Variants in ZFHX3 observed in about 807,000 individuals in gnomAD.
ZFHX3 encodes the protein zinc finger homeobox 3.
Under a neutral mutation model 279.1 loss-of-function variants are expected in ZFHX3, and 42 were observed. The ratio of observed to expected loss-of-function variants is 0.15; its 90% CI spans 0.12 to 0.19. ZFHX3 has a LOEUF of 0.19. ZFHX3 is among the 10% of genes least tolerant of loss of function. The probability of loss-of-function intolerance (pLI) is 1.00; values close to 1 mark genes in which losing one functional copy is unlikely to be tolerated. For synonymous variants in ZFHX3, 2,293 were observed against 1,957.8 expected (o/e 1.17, Z -4.52); for missense variants, 4,981 against 4,754.0 (o/e 1.05, Z -1.40).
chr16:73,359,089 G>A (rs746833996), intron 3 of ZFHX3, among the ~76,000 whole-genome samples: 3 of 151,908 alleles, frequency 2.0e-5, no homozygotes, highest in Non-Finnish European at 4.4e-5. Context: ...CTAGGGAGAC[G>A]CCACAGCTCA....
At chr16:73,689,218 G>T (rs2053122115) in intron 1 of ZFHX3, among the ~76,000 whole-genome samples, 1 of 152,136 alleles carries the variant, frequency 6.6e-6, no homozygotes, top group Admixed American at 6.5e-5. Flanking sequence ...CTAGTTACGT[G>T]AAACCTCTAA....
chr16:72,936,921 G>A (rs1485723144), intron 3 of ZFHX3, among the ~76,000 whole-genome samples: 1 of 152,152 alleles, frequency 6.6e-6, no homozygotes, highest in Non-Finnish European at 1.5e-5. Flanking sequence ...TGGGAGGGTG[G>A]TGGTGCAAAT....
chr16:73,642,830 A>G (rs1284859252), intron 2 of ZFHX3, among the ~76,000 whole-genome samples: 4 of 152,182 alleles, frequency 2.6e-5, no homozygotes, highest in Admixed American at 6.5e-5. Flanking sequence ...TACATGTCAA[A>G]ATTCAAACTG....
chr16:73,754,406 C>A (rs960713036), intron 1 of ZFHX3, among the ~76,000 whole-genome samples: 8 of 152,038 alleles, frequency 5.3e-5, no homozygotes, highest in African/African-American at 1.9e-4. Flanking sequence ...GAGGTTTGTA[C>A]GTTTTACATC....
chr16:73,648,635 C>T (rs2052642903), intron 2 of ZFHX3, among the ~76,000 whole-genome samples: 1 of 152,120 alleles, frequency 6.6e-6, no homozygotes, highest in Non-Finnish European at 1.5e-5. Context: ...TGGTCTCAAA[C>T]CCCTGACCTC....
At chr16:73,279,870 T>C (rs915352404) in intron 4 of ZFHX3, among the ~76,000 whole-genome samples, 2 of 152,224 alleles carry the variant, frequency 1.3e-5, no homozygotes, top group African/African-American at 4.8e-5. Context: ...AAGATGCTCT[T>C]GTAGTCTGTG....
intron 4 of ZFHX3, among the ~76,000 whole-genome samples, chr16:73,315,669 G>A (rs1016400783): frequency 6.6e-6 from 1 of 152,152 alleles, no homozygotes; most frequent in Non-Finnish European, 1.5e-5. Context: ...GCCTTCAGCG[G>A]TAAAGAAGAA....
chr16:73,608,605 A>C (rs1469845063), intron 2 of ZFHX3: 1 of 152,238 alleles, frequency 6.6e-6, no homozygotes, highest in Non-Finnish European at 1.5e-5. Context: ...AGCAGAAAAC[A>C]ACAATTTTTT....
At chr16:73,847,735 A>G (rs76342134) in intron 1 of ZFHX3, among the ~76,000 whole-genome samples, 1 of 151,842 alleles carries the variant, frequency 6.6e-6, no homozygotes, top group East Asian at 1.9e-4. Flanking sequence ...GTATTTGATA[A>G]GTAATATTTA....
At chr16:73,875,610 T>C (rs954873961) in intron 1 of ZFHX3, among the ~76,000 whole-genome samples, 1 of 152,210 alleles carries the variant, frequency 6.6e-6, no homozygotes, top group African/African-American at 2.4e-5. Context: ...TGAGATTCGA[T>C]ATCAATTTTC....
chr16:73,321,457 A>C (rs1162724818), intron 3 of ZFHX3, among the ~76,000 whole-genome samples: 1 of 152,218 alleles, frequency 6.6e-6, no homozygotes, highest in Admixed American at 6.5e-5. Flanking sequence ...AGTCCAGGGC[A>C]TGTACATTTT....
chr16:72,919,852 G>T (rs181702132), intron 3 of ZFHX3, among the ~76,000 whole-genome samples: 190 of 125,728 alleles, frequency 1.5e-3, no homozygotes, highest in African/African-American at 5.5e-3. Flanking sequence ...GGAGTGCAGT[G>T]GCACGATCTC....
chr16:73,466,524 G>C (rs946972180), intron 2 of ZFHX3, among the ~76,000 whole-genome samples: 3 of 152,064 alleles, frequency 2.0e-5, no homozygotes, highest in African/African-American at 4.8e-5. Flanking sequence ...ACATCTAGAA[G>C]ACTTTTATTA....
At chr16:73,752,885 T>C (rs1478598254) in intron 1 of ZFHX3, among the ~76,000 whole-genome samples, 1 of 152,182 alleles carries the variant, frequency 6.6e-6, no homozygotes, top group South Asian at 2.1e-4. Flanking sequence ...CAGATAACAT[T>C]TGCAGGTACC....
In ZFHX3 at chr16:73,335,744, T is replaced by C. The variant is rs192723558; in HGVS notation, c.-1290-17408A>G. Among the ~76,000 whole-genome samples the C allele has an allele frequency of 9.6e-4, 146 of 152,294 alleles. 1 individual carries two copies. Among genetic ancestry groups the C allele is most frequent in the Admixed American group, 3.7e-3 (56 of 15,302 alleles). On this transcript the variant is annotated intron_variant, in intron 3 of 17. Coordinates refer to the ZFHX3 transcript ENST00000641206. Reference sequence around the variant, plus strand: ...GATTTGAATTGAAAGGGGCTGGAAGTTGACAGTGGGGGAAGGCACAGAGTC... The same window carrying C: ...GATTTGAATTGAAAGGGGCTGGAAGCTGACAGTGGGGGAAGGCACAGAGTC...
chr16:73,288,322 G>T (rs1013390302), intron 4 of ZFHX3, among the ~76,000 whole-genome samples: 1 of 152,082 alleles, frequency 6.6e-6, no homozygotes, highest in Admixed American at 6.5e-5. Context: ...ACAGAAGCTG[G>T]ACATCCCTCC....
Position 72,950,825 on chromosome 16 carries a change from T to C in ZFHX3, c.2860A>G (p.Thr954Ala). 1 of 1,614,144 alleles carries C rather than the reference T, an allele frequency of 6.2e-7. No individual in the cohort carries two copies. Residue 954 changes from threonine to alanine, a missense_variant, in exon 3 of 10, where the codon ACG becomes GCG. This residue lies in a region of ZFHX3 where 1,751 missense variants were observed against 1,770.0 expected (regional missense o/e 0.99). Coordinates refer to ENST00000268489, the MANE Select transcript of ZFHX3 (RefSeq NM_006885.4). ...LFQCAVCNKF[T>A]TDNLDMLGLH... ...CCCAGCATGTCCAGGTTGTCCGTCG[T>C]GAACTTGTTGCAGACGGCGCACTGG...
At chr16:73,471,865 G>A (rs2143604481) in intron 2 of ZFHX3, among the ~76,000 whole-genome samples, 1 of 152,274 alleles carries the variant, frequency 6.6e-6, no homozygotes, top group African/African-American at 2.4e-5. Flanking sequence ...AAAAAACCCT[G>A]CAGCATTCTG....
At chr16:73,561,772 C>T (rs542118025) in intron 2 of ZFHX3, among the ~76,000 whole-genome samples, 32 of 152,144 alleles carry the variant, frequency 2.1e-4, no homozygotes, top group African/African-American at 7.2e-4. Flanking sequence ...ACAAAACTGC[C>T]GAGTTCTATG....
Sources: allele counts gnomAD v4.1 joint callset (sites outside exome capture counted in the v4.1 genomes callset), GRCh38; gene constraint gnomAD v4.1.1; regional missense constraint gnomAD v4.1.1; transcripts MANE v1.5; gene names NCBI Gene and HGNC (gene_info 2026-07-23, HGNC 2026-07-21).